The following LDB3 variants were observed in gnomAD, a reference collection of about 807,000 sequenced individuals.
LDB3 encodes LIM domain-binding protein 3.
A neutral mutation model predicts 69.0 loss-of-function variants in LDB3; 49 were observed. The ratio of observed to expected loss-of-function variants is 0.71; its 90% CI spans 0.56 to 0.90. The LOEUF is 0.90. LDB3 is among the 40% of genes least tolerant of loss of function. The probability of loss-of-function intolerance (pLI) is 0.00; values close to 1 mark genes in which losing one functional copy is unlikely to be tolerated. For synonymous variants in LDB3, 387 were observed against 396.2 expected (o/e 0.98, Z 0.28); for missense variants, 928 against 974.1 (o/e 0.95, Z 0.63).
chr10:86,707,985 G>A (rs192895509), intron 8 of LDB3, among the ~76,000 whole-genome samples: 1 of 152,372 alleles, frequency 6.6e-6, no homozygotes, highest in Non-Finnish European at 1.5e-5. Flanking sequence ...TTTTTGAGTG[G>A]GAAGAAGCCT....
Position 86,726,109 on chromosome 10 carries a change from G to A in LDB3, c.1979-28G>A, listed in dbSNP as rs201677441. 67 of 1,564,336 alleles carry A rather than the reference G, an allele frequency of 4.3e-5. 1 individual carries two copies. The South Asian group carries it at 4.4e-4, about 10-fold the overall frequency. ...GGTCCCCGCTGCCCCCACTGGGTGC[G>A]GGGTCTTCACTCTGCTTTTCATTTC... On this transcript the variant is annotated intron_variant, in intron 12 of 13. Transcript: ENST00000361373.
At chr10:86,683,423 G>A (rs917330259) in intron 5 of LDB3, among the ~76,000 whole-genome samples, 2 of 152,224 alleles carry the variant, frequency 1.3e-5, no homozygotes, top group Non-Finnish European at 2.9e-5. Context: ...GTGGCAGACA[G>A]AACTGGCATG....
In LDB3 at chr10:86,734,882, T is replaced by C. The variant is rs1367504834; in HGVS notation, c.*1906T>C. 2 of 152,116 alleles carry C rather than the reference T, an allele frequency of 1.3e-5. No individual in the cohort carries two copies. The highest frequency in any genetic ancestry group is 2.4e-5 in the African/African-American group (1 of 41,402). The allele number at this position is 152,116 out of a possible 1,614,324, so 9.4% of individuals were successfully genotyped here. A position where few individuals can be genotyped will look rare whatever the true frequency, so the allele number is the denominator to read the frequency against. On this transcript the variant is annotated 3_prime_UTR_variant, in exon 14 of 14. Transcript: ENST00000361373. ...AGTACCTTGGAGCATTCTGTTATTT[T>C]TGGAAAGTTCAAATATGCAGGGACA...
upstream of LDB3, chr10:86,668,343 T>TG: frequency 5.2e-6 from 2 of 382,644 alleles, no homozygotes; most frequent in Non-Finnish European, 1.0e-5. Flanking sequence ...TCCTCCCCCC[T>TG]GGGGGGTGCT....
At chr10:86,676,302 T>A (rs971194207) in intron 2 of LDB3, among the ~76,000 whole-genome samples, 4 of 151,934 alleles carry the variant, frequency 2.6e-5, no homozygotes, top group African/African-American at 9.7e-5. Context: ...GTGGCTCATG[T>A]CTGTAATCCC....
At position 86,681,646 on chromosome 10, in the gene LDB3, C is replaced by T. The variant is rs730880128; in HGVS notation, c.532C>T (p.Arg178Trp). The change falls in exon 5 of 14, where the codon CGG becomes TGG. Residue 178 changes from arginine (R) to tryptophan (W), a missense_variant. Transcript: ENST00000361373. ...GGCCAAGACCAGCCCAGAGGGGGCC[C>T]GGGACCTACTCGGCCCAAAAGCCCT... ...LRAKTSPEGARDLLGPKALPG... is the reference protein window; with the variant it reads ...LRAKTSPEGAWDLLGPKALPG... The T allele has an allele frequency of 1.2e-6, 2 of 1,613,204 alleles. No homozygotes were observed. The highest frequency in any genetic ancestry group is 1.1e-5 in the South Asian group (1 of 91,064).
intron 7 of LDB3, among the ~76,000 whole-genome samples, chr10:86,696,696 G>C (rs566248406): frequency 1.7e-4 from 26 of 152,318 alleles, no homozygotes; most frequent in African/African-American, 6.0e-4. Flanking sequence ...GTCCTCGGTA[G>C]TGTCTACGGG....
rs190652102 is a variant in LDB3 at position 86,734,620 on chromosome 10, T to G, written c.*1644T>G. ...ACTTCCAGGGGATTGCCATCTTACCTGTCTCTTCTCCATGAGGGAGAAGGA... is the reference window on the plus strand; with the variant it reads ...ACTTCCAGGGGATTGCCATCTTACCGGTCTCTTCTCCATGAGGGAGAAGGA... On this transcript the variant is annotated 3_prime_UTR_variant, in exon 14 of 14. Transcript: ENST00000361373. 12 of 152,358 alleles carry G rather than the reference T, an allele frequency of 7.9e-5. No homozygotes were observed. In the East Asian group the frequency reaches 2.3e-3, roughly 29 times the overall value. The allele number at this position is 152,358 out of a possible 1,614,324, so 9.4% of individuals were successfully genotyped here.
In LDB3 at chr10:86,699,039, T is replaced by A. The variant is rs1208649803; in HGVS notation, c.896+6468T>A. Among the ~76,000 whole-genome samples the A allele has an allele frequency of 6.6e-6, 1 of 152,048 alleles. No individual in the cohort carries two copies. Among genetic ancestry groups the A allele is most frequent in the East Asian group, 1.9e-4 (1 of 5,146 alleles). On this transcript the variant is annotated intron_variant, in intron 7 of 13. Transcript: ENST00000361373. This position sits in a 1 kb window ranked among gnomAD's most constrained non-coding sequence, Gnocchi z 4.9. ...GGCAGGGACTTCAGTCCCTCCATCCTGGTCCCCAAGACTCTCGGTCTTCCC... is the reference window on the plus strand; with the variant it reads ...GGCAGGGACTTCAGTCCCTCCATCCAGGTCCCCAAGACTCTCGGTCTTCCC...
chr10:86,678,035 T>TTTTTTTTG (rs1564632011), intron 2 of LDB3, among the ~76,000 whole-genome samples: 1 of 151,984 alleles, frequency 6.6e-6, no homozygotes, highest in African/African-American at 2.4e-5. Flanking sequence ...GCCTGCAGTT[T>TTTTTTTTG]TTTGTTTGTT....
intron 2 of LDB3, among the ~76,000 whole-genome samples, chr10:86,678,415 CG>C (rs1328638837): frequency 6.7e-6 from 1 of 149,866 alleles, no homozygotes; most frequent in African/African-American, 2.5e-5. Context: ...TCTCAGCTCA[CG>C]GCAACCTCTG....
chr10:86,699,217 CTCTT>C lies in LDB3; in HGVS notation c.896+6650_896+6653del. On this transcript the variant is annotated intron_variant, in intron 7 of 13. Transcript: ENST00000361373. This position sits in a 1 kb window ranked among gnomAD's most constrained non-coding sequence, Gnocchi z 4.9. Reference sequence around the variant, plus strand: ...CCCTTTCATTCTCCCTCTCTTCTCTCTCTTTCTGTCTCTGTCTCTGTTTCTCTCT... The same window carrying C: ...CCCTTTCATTCTCCCTCTCTTCTCTCTCTGTCTCTGTCTCTGTTTCTCTCT... The C allele has an allele frequency of 6.3e-7, 1 of 1,577,784 alleles. No individual in the cohort carries two copies.
In LDB3 at chr10:86,733,885, T is replaced by G. The variant is rs1847552186; in HGVS notation, c.*909T>G. On this transcript the variant is annotated 3_prime_UTR_variant, in exon 14 of 14. Transcript: ENST00000361373. ...TCGTGTGCATGAATTTCACCCCAAC[T>G]TGTGACTGCTCACTTATGACGTCTC... 1 of 152,210 alleles carries G rather than the reference T, an allele frequency of 6.6e-6. No individual in the cohort carries two copies. The allele number at this position is 152,210 out of a possible 1,614,324, so 9.4% of individuals were successfully genotyped here.
At chr10:86,720,173 G>A (rs554455724) in intron 12 of LDB3, among the ~76,000 whole-genome samples, 13 of 152,298 alleles carry the variant, frequency 8.5e-5, no homozygotes, top group Admixed American at 4.6e-4. Flanking sequence ...GGCTGGGCGC[G>A]GTGGCTCACG....
chr10:86,714,334 C>T (rs1375100517), intron 9 of LDB3, among the ~76,000 whole-genome samples: 1 of 152,124 alleles, frequency 6.6e-6, no homozygotes, highest in Non-Finnish European at 1.5e-5. Flanking sequence ...ACATGTTGCA[C>T]TGAGATTTTC....
intron 8 of LDB3, among the ~76,000 whole-genome samples, chr10:86,708,235 C>T (rs1846516962): frequency 6.6e-6 from 1 of 152,224 alleles, no homozygotes. Flanking sequence ...TGGAGAGGGG[C>T]ACAGAGGGCT....
intron 9 of LDB3, among the ~76,000 whole-genome samples, chr10:86,715,237 G>A (rs1055087229): frequency 2.6e-5 from 4 of 152,194 alleles, no homozygotes; most frequent in African/African-American, 9.6e-5. Flanking sequence ...ACTGAGCTCA[G>A]GAATGGGGAG....
At chr10:86,696,939 A>G (rs1393796189) in intron 7 of LDB3, among the ~76,000 whole-genome samples, 3 of 152,198 alleles carry the variant, frequency 2.0e-5, no homozygotes, top group African/African-American at 7.2e-5. Flanking sequence ...GAAAGTTCAG[A>G]CTAGACTGGT....
chr10:86,698,408 A>C (rs1211866542), intron 7 of LDB3, among the ~76,000 whole-genome samples: 1 of 152,178 alleles, frequency 6.6e-6, no homozygotes, highest in East Asian at 1.9e-4. Flanking sequence ...ACCAGTGGGC[A>C]CCTCTGGTCT....
Sources: allele counts gnomAD v4.1 joint callset (sites outside exome capture counted in the v4.1 genomes callset), GRCh38; gene constraint gnomAD v4.1.1; non-coding constraint Gnocchi (gnomAD v3.1); transcripts MANE v1.5; gene names NCBI Gene and HGNC (gene_info 2026-07-23, HGNC 2026-07-21).